SLC6A7: variants seen among roughly 807,000 people sequenced by gnomAD.
The protein encoded by SLC6A7 is sodium-dependent proline transporter.
A neutral mutation model predicts 73.1 loss-of-function variants in SLC6A7; 58 were observed. The observed-to-expected ratio is 0.79, with a 90% CI of 0.64 to 0.99. The LOEUF (loss-of-function observed/expected upper bound fraction) is 0.99. SLC6A7 is among the 50% of genes least tolerant of loss of function. The pLI is 0.00. For synonymous variants in SLC6A7, 338 were observed against 338.7 expected (o/e 1.00, Z 0.02); for missense variants, 783 against 831.4 (o/e 0.94, Z 0.72).
chr5:150,208,357 G>A lies in SLC6A7; in HGVS notation c.1702-1049G>A, dbSNP rs138732968. Reference sequence around the variant, plus strand: ...AGGCAGAAAGGCAACACGTGCAAAGGCCCTGAGGCTGGGGGCTGGCATGTT... The same window carrying A: ...AGGCAGAAAGGCAACACGTGCAAAGACCCTGAGGCTGGGGGCTGGCATGTT... On this transcript the variant is annotated intron_variant, in intron 13 of 13. Coordinates refer to ENST00000230671, the MANE Select transcript of SLC6A7 (RefSeq NM_014228.5). Among the ~76,000 whole-genome samples, 93 of 152,278 alleles carry A rather than the reference G, an allele frequency of 6.1e-4. 1 individual carries two copies. In the Middle Eastern group the frequency reaches 0.014, roughly 22 times the overall value.
In SLC6A7 at chr5:150,204,923, T is replaced by A; in HGVS notation, c.1529T>A (p.Leu510His). The change falls in exon 12 of 14, where the codon CTC (leucine) becomes CAC (histidine). Residue 510 changes from leucine to histidine, a missense_variant. Physicochemically the swap from Leu to His is moderately conservative, Grantham distance 99. Transcript: ENST00000230671. ...TGGCTGTTCCTGTCCCCAGCCACGC[T>A]CTTGGTAACTGGGGAGGGCGGGAGG... ...ACWLFLSPAT[L>H]LALMVYSIVK... 2.0e-6 allele frequency: 3 copies of A among 1,506,634 alleles called. No homozygotes were observed. Among genetic ancestry groups the A allele is most frequent in the Non-Finnish European group, 2.8e-6 (3 of 1,082,084 alleles). 93.3% of individuals were successfully genotyped at this position (1,506,634 alleles called of 1,614,324 possible).
chr5:150,199,203 A>AC, intron 4 of SLC6A7, 25 bp from the exon 5 acceptor site: 1 of 1,564,834 alleles, frequency 6.4e-7, no homozygotes, highest in Non-Finnish European at 8.7e-7. Flanking sequence ...TGACCAGGGG[A>AC]CACTGAGACC....
At chr5:150,204,505 G>T (rs781742683) in intron 10 of SLC6A7, 27 bp from the exon 11 acceptor site, 2 of 1,548,860 alleles carry the variant, frequency 1.3e-6, no homozygotes, top group South Asian at 1.1e-5. Flanking sequence ...CCAGGAAGGG[G>T]ACACCAGAAC....
chr5:150,203,928 G>C lies in SLC6A7; in HGVS notation c.1222G>C (p.Val408Leu), dbSNP rs745332293. The change falls in exon 10 of 14, where the codon GTG becomes CTG. Residue 408 changes from valine to leucine, a missense_variant. By Grantham distance (32) the Val-to-Leu change is conservative (BLOSUM62 1). Coordinates refer to ENST00000230671, the MANE Select transcript of SLC6A7 (RefSeq NM_014228.5). ...DSQFAFLETI[V>L]TAVTDEFPYY... ...TCAGTTTGCTTTTCTGGAGACCATT[G>C]TGACAGCTGTGACAGATGAGTTCCC... 3.7e-6 allele frequency: 6 copies of C among 1,613,308 alleles called. 1 individual carries two copies. The South Asian group carries it at 6.6e-5, about 18-fold the overall frequency.
Position 150,194,829 on chromosome 5 carries a change from C to A in SLC6A7, c.135C>A (p.Asp45Glu), listed in dbSNP as rs1752943363. Residue 45 changes from aspartate to glutamate, a missense_variant, in exon 2 of 14, where the codon GAC becomes GAA. Asp to Glu is a conservative substitution (Grantham distance 45). Transcript: ENST00000230671. ...AHRGNWTGKL[D>E]FLLSCIGYCV... is the part of the protein sequence containing the mutation. ...GGGGGAACTGGACAGGCAAGCTGGA[C>A]TTCCTGCTGTCCTGCATTGGCTACT... 4 of 1,614,076 alleles carry A rather than the reference C, an allele frequency of 2.5e-6. No individual in the cohort carries two copies. The South Asian group carries it at 3.3e-5, about 13-fold the overall frequency.
chr5:150,201,838 G>GT (rs1753399171), intron 6 of SLC6A7, among the ~76,000 whole-genome samples: 1 of 152,148 alleles, frequency 6.6e-6, no homozygotes, highest in African/African-American at 2.4e-5. Flanking sequence ...TTACATGCAT[G>GT]TGTGTAGTGA....
chr5:150,191,189 C>T (rs1431661083), intron 1 of SLC6A7, among the ~76,000 whole-genome samples: 3 of 152,230 alleles, frequency 2.0e-5, no homozygotes, highest in African/African-American at 7.2e-5. Flanking sequence ...TAACCTGAAC[C>T]TCCTCTGGCT....
intron 2 of SLC6A7, among the ~76,000 whole-genome samples, chr5:150,195,840 A>G (rs1752992801): frequency 6.6e-6 from 1 of 152,180 alleles, no homozygotes; most frequent in Non-Finnish European, 1.5e-5. Context: ...GATGACACCC[A>G]TGGTGTCTCT....
intron 13 of SLC6A7, among the ~76,000 whole-genome samples, chr5:150,207,599 T>G (rs961656817): frequency 1.3e-5 from 2 of 152,184 alleles, no homozygotes; most frequent in African/African-American, 4.8e-5. Flanking sequence ...CAATATAGTC[T>G]GCATTGTGAA....
chr5:150,209,025 C>T (rs1480502679), intron 13 of SLC6A7, among the ~76,000 whole-genome samples: 2 of 152,240 alleles, frequency 1.3e-5, no homozygotes, highest in African/African-American at 2.4e-5. Flanking sequence ...AGGGGCCCGC[C>T]GCGTAATTAT....
chr5:150,201,136 G>A lies in SLC6A7; in HGVS notation c.771G>A (p.Leu257=). The A allele has an allele frequency of 6.2e-7, 1 of 1,613,876 alleles. No individual in the cohort carries two copies. The part of the protein sequence containing the change: ...ATFPYLILLM[L]LVRGVTLPGA... ...TCCCCTACCTCATCCTGCTCATGCT[G>A]CTGGTCCGCGGAGTCACCCTCCCAG... The change falls in exon 6 of 14, where the codon CTG becomes CTA. Residue 257 remains leucine (L), a synonymous_variant. Coordinates refer to ENST00000230671, the MANE Select transcript of SLC6A7 (RefSeq NM_014228.5).
chr5:150,208,192 C>T (rs1160652614), intron 13 of SLC6A7, among the ~76,000 whole-genome samples: 1 of 151,098 alleles, frequency 6.6e-6, no homozygotes, highest in Non-Finnish European at 1.5e-5. Context: ...GTAAGTTCTG[C>T]ACTTAAAAAA....
At position 150,199,091 on chromosome 5, in the gene SLC6A7, G is replaced by A. The variant is rs535871934; in HGVS notation, c.585-137G>A. 9 of 1,215,520 alleles carry A rather than the reference G, an allele frequency of 7.4e-6. No individual in the cohort carries two copies. The East Asian group carries it at 2.1e-4, about 29-fold the overall frequency. The allele number at this position is 1,215,520 out of a possible 1,614,324, so 75.3% of individuals were successfully genotyped here. ...CAGCCTCCTGGGTCAGAGTTGGTCG[G>A]AGAAGGATGGAGAGGGATCAAGAGG... is the stretch of plus-strand genomic sequence containing the variant. On this transcript the variant is annotated intron_variant, in intron 4 of 13. Transcript: ENST00000230671.
In SLC6A7 at chr5:150,210,998, C is replaced by A; in HGVS notation, c.*1383C>A. ...CTGTGGCCAGCCTCTCTGCCTGTCT[C>A]TCGCTGCGTCCCCCCAACCCCTTGT... On this transcript the variant is annotated 3_prime_UTR_variant, in exon 14 of 14. Coordinates refer to ENST00000230671, the MANE Select transcript of SLC6A7 (RefSeq NM_014228.5). The A allele has an allele frequency of 6.5e-6, 1 of 153,044 alleles. No individual in the cohort carries two copies. The highest frequency in any genetic ancestry group is 1.5e-5 in the Non-Finnish European group (1 of 68,502). 9.5% of individuals were successfully genotyped at this position (153,044 alleles called of 1,614,324 possible).
chr5:150,207,422 A>C (rs1753756962), intron 13 of SLC6A7, among the ~76,000 whole-genome samples: 1 of 152,050 alleles, frequency 6.6e-6, no homozygotes, highest in African/African-American at 2.4e-5. Context: ...CGTCCAGCTA[A>C]TTTCTGTATT....
chr5:150,198,125 G>GAAGGAAAGAA (rs1753172435), intron 4 of SLC6A7, among the ~76,000 whole-genome samples: 1 of 137,392 alleles, frequency 7.3e-6, no homozygotes, highest in Non-Finnish European at 1.6e-5. Context: ...GAGAAAGAAA[G>GAAGGAAAGAA]AAAGAAAGAA....
chr5:150,198,406 C>T (rs11954180), intron 4 of SLC6A7, among the ~76,000 whole-genome samples: 15,070 of 152,296 alleles, frequency 0.099, 1,041 homozygotes, highest in African/African-American at 0.19. Flanking sequence ...ATAGTTCATT[C>T]ATTTGTCCAC....
chr5:150,193,838 TGGGTGAA>T (rs1227991237), intron 1 of SLC6A7, among the ~76,000 whole-genome samples: 1 of 152,166 alleles, frequency 6.6e-6, no homozygotes, highest in Non-Finnish European at 1.5e-5. Flanking sequence ...CCAGCACTGG[TGGGTGAA>T]GGAGACCTGG....
At chr5:150,198,126 A>G (rs991583842) in intron 4 of SLC6A7, among the ~76,000 whole-genome samples, 2 of 146,168 alleles carry the variant, frequency 1.4e-5, no homozygotes, top group Admixed American at 6.8e-5. Flanking sequence ...AGAAAGAAAG[A>G]AAGAAAGAAA....
Sources: allele counts gnomAD v4.1 joint callset (sites outside exome capture counted in the v4.1 genomes callset), GRCh38; gene constraint gnomAD v4.1.1; transcripts MANE v1.5; gene names NCBI Gene and HGNC (gene_info 2026-07-23, HGNC 2026-07-21).